Variants in WNK3 observed in about 807,000 individuals in gnomAD.
The protein encoded by WNK3 is serine/threonine-protein kinase WNK3.
In WNK3, 18 loss-of-function variants were observed where a neutral mutation model predicts 116.7. That is an observed-to-expected ratio of 0.15 (90% CI 0.11 to 0.23). The LOEUF is 0.23. Ranked by LOEUF, WNK3 falls within the 10% of genes least tolerant of loss-of-function variation. The pLI, the probability that WNK3 is intolerant of heterozygous loss-of-function variation, is 1.00. For missense variants in WNK3, 993 were observed against 1,323.8 expected, an observed-to-expected ratio of 0.75 and a Z score of 3.88; for synonymous variants, 404 against 469.4, an observed-to-expected ratio of 0.86 and a Z score of 1.80.
chrX:54,209,379 C>T (rs1456112825), intron 22 of WNK3, among the ~76,000 whole-genome samples: 1 of 104,203 alleles, frequency 9.6e-6, no homozygotes, highest in African/African-American at 3.5e-5. Context: ...GCCGAGACCA[C>T]ACCACTGCAC....
In WNK3 at chrX:54,259,375, CA is replaced by C. The variant is rs782534006; in HGVS notation, c.2038-38del. ...ACAGACATAAAACTTGCTATGATAA[CA>C]GTAAAATTCAAGCTAAATATACAAT... On this transcript the variant is annotated intron_variant, in intron 10 of 23. Transcript: ENST00000354646. 7.8e-5 allele frequency: 73 copies of C among 936,821 alleles called. No homozygotes were observed. The African/African-American group carries it at 1.4e-3, about 18-fold the overall frequency. The allele number at this position is 936,821 out of a possible 1,213,427, so 77.2% of individuals were successfully genotyped here.
At chrX:54,215,034 G>A (rs1288477084) in intron 22 of WNK3, among the ~76,000 whole-genome samples, 1 of 102,893 alleles carries the variant, frequency 9.7e-6, no homozygotes, top group Non-Finnish European at 2.0e-5. Context: ...GGAGAATGGT[G>A]TGAACCCGGG....
intron 15 of WNK3, among the ~76,000 whole-genome samples, chrX:54,250,430 T>C (rs912223130): frequency 2.5e-4 from 28 of 111,938 alleles, no homozygotes; most frequent in Non-Finnish European, 4.7e-4. Flanking sequence ...TTAAAACCTA[T>C]ATCTCTTATT....
At chrX:54,242,977 T>A (rs552479527) in intron 17 of WNK3, among the ~76,000 whole-genome samples, 63 of 110,036 alleles carry the variant, frequency 5.7e-4, no homozygotes, top group Non-Finnish European at 1.1e-3. Flanking sequence ...ACAAAGATTT[T>A]TTTTATTTTA....
chrX:54,339,001 CAAAAAAA>C (rs782133987), intron 1 of WNK3, among the ~76,000 whole-genome samples: 7 of 41,302 alleles, frequency 1.7e-4, no homozygotes, highest in Non-Finnish European at 3.1e-4. Flanking sequence ...GACTCTGTCT[CAAAAAAA>C]AAAAAAAAAA....
chrX:54,293,354 G>A (rs1211656450), intron 8 of WNK3, 27 bp from the exon 9 acceptor site: 3 of 1,141,285 alleles, frequency 2.6e-6, no homozygotes, highest in Non-Finnish European at 3.5e-6. Flanking sequence ...TAAGTAACAG[G>A]TAGAAGGGAA....
chrX:54,256,490 T>C (rs997841729), intron 11 of WNK3, among the ~76,000 whole-genome samples: 1 of 112,014 alleles, frequency 8.9e-6, no homozygotes, highest in African/African-American at 3.2e-5. Flanking sequence ...ATCAATATTA[T>C]TATGAAAGGG....
At chrX:54,323,675 C>T (rs990089428) in intron 2 of WNK3, among the ~76,000 whole-genome samples, 21 of 111,186 alleles carry the variant, frequency 1.9e-4, no homozygotes, top group African/African-American at 6.9e-4. Flanking sequence ...ACTGTCAACC[C>T]TACCATTTCC....
chrX:54,239,517 T>C (rs1188274849), intron 17 of WNK3, among the ~76,000 whole-genome samples: 3 of 111,210 alleles, frequency 2.7e-5, no homozygotes, highest in African/African-American at 6.5e-5. Flanking sequence ...GAAATTTTCA[T>C]TTATGCCTAT....
chrX:54,301,699 GA>G, intron 6 of WNK3, 71 bp downstream of exon 6: 4 of 981,138 alleles, frequency 4.1e-6, no homozygotes, highest in Non-Finnish European at 5.7e-6. Flanking sequence ...TGAAAGGTCA[GA>G]AAACGACCCA....
chrX:54,355,325 C>T (rs2147361249), intron 1 of WNK3, among the ~76,000 whole-genome samples: 1 of 111,255 alleles, frequency 9.0e-6, no homozygotes, highest in Non-Finnish European at 1.9e-5. Flanking sequence ...CGGGGTTCAC[C>T]ACTTACTAGG....
chrX:54,294,465 G>T, intron 8 of WNK3, 88 bp downstream of exon 8: 1 of 723,229 alleles, frequency 1.4e-6, no homozygotes, highest in Non-Finnish European at 1.9e-6. Flanking sequence ...AAACAAAATA[G>T]GTCATTGACC....
intron 8 of WNK3, among the ~76,000 whole-genome samples, chrX:54,294,013 C>T (rs1355944080): frequency 9.0e-6 from 1 of 110,825 alleles, no homozygotes; most frequent in Admixed American, 9.7e-5. Flanking sequence ...CCCATCTCTA[C>T]CAAAAGAAAA....
At chrX:54,315,311 A>G (rs2068940614) in intron 2 of WNK3, among the ~76,000 whole-genome samples, 1 of 108,425 alleles carries the variant, frequency 9.2e-6, no homozygotes, top group African/African-American at 3.4e-5. Context: ...TCAAAAAAAA[A>G]AAAAAAAAAA....
chrX:54,213,553 C>CAAAAAAAAAAAAAAAAAAAAAAA (rs782580375), intron 22 of WNK3, among the ~76,000 whole-genome samples: 15 of 14,227 alleles, frequency 1.1e-3, no homozygotes, highest in Non-Finnish European at 1.6e-3. Context: ...GACTCCGTCT[C>CAAAAAAAAAAAAAAAAAAAAAAA]AAAAAAAAAA....
At chrX:54,315,200 G>C (rs782633378) in intron 2 of WNK3, among the ~76,000 whole-genome samples, 1 of 108,806 alleles carries the variant, frequency 9.2e-6, no homozygotes, top group Non-Finnish European at 1.9e-5. Flanking sequence ...CTACTTGGGA[G>C]GCTGAGGTGG....
At position 54,251,558 on chromosome X, in the gene WNK3, T is replaced by C. The variant is rs140263470; in HGVS notation, c.2497A>G (p.Ile833Val). Reference sequence around the variant, plus strand: ...TGGCTACTGTTGGAGTCCACAGTAATAGAATCAACTCCAGTGGCTCTTTCT... The same window carrying C: ...TGGCTACTGTTGGAGTCCACAGTAACAGAATCAACTCCAGTGGCTCTTTCT... Residue 833 changes from isoleucine to valine, a missense_variant, in exon 14 of 24, where the codon ATT becomes GTT. Physicochemically the swap from Ile to Val is conservative, Grantham distance 29. Coordinates refer to ENST00000354646, the Ensembl canonical transcript of WNK3. 7.4e-5 allele frequency: 90 copies of C among 1,209,186 alleles called. No homozygotes were observed. The African/African-American group carries it at 1.5e-3, about 20-fold the overall frequency.
At chrX:54,288,950 G>A (rs2068609736) in intron 10 of WNK3, among the ~76,000 whole-genome samples, 1 of 111,714 alleles carries the variant, frequency 9.0e-6, no homozygotes, top group African/African-American at 3.3e-5. Context: ...GTATATACCT[G>A]CTGGGTTATG....
intron 1 of WNK3, among the ~76,000 whole-genome samples, chrX:54,348,861 T>C (rs1279825612): frequency 8.9e-6 from 1 of 111,808 alleles, no homozygotes; most frequent in East Asian, 2.8e-4. Flanking sequence ...TGTTAGAAAG[T>C]AGGAGACAAA....
Sources: gnomAD v4.1 joint callset for allele counts (sites outside exome capture counted in the v4.1 genomes callset) on GRCh38, gnomAD v4.1.1 for gene constraint, MANE v1.5 for transcripts, NCBI Gene and HGNC (gene_info 2026-07-23, HGNC 2026-07-21) for gene names.